The following COL19A1 variants were observed in gnomAD, a reference collection of about 807,000 sequenced individuals.
COL19A1 encodes collagen type XIX alpha 1 chain, also known as collagen alpha-1(XIX) chain.
Under a neutral mutation model 190.2 loss-of-function variants are expected in COL19A1, and 159 were observed. That is an observed-to-expected ratio of 0.84 (90% CI 0.73 to 0.95). The LOEUF is 0.95. Ranked by LOEUF, COL19A1 falls within the 40% of genes least tolerant of loss-of-function variation. The probability of loss-of-function intolerance (pLI) is 0.00; values close to 1 mark genes in which losing one functional copy is unlikely to be tolerated. For missense variants in COL19A1, 1,418 were observed against 1,431.9 expected, an observed-to-expected ratio of 0.99 and a Z score of 0.16; for synonymous variants, 509 against 458.9, an observed-to-expected ratio of 1.11 and a Z score of -1.39.
In COL19A1 at chr6:70,142,601, A is replaced by G. The variant is rs9342783; in HGVS notation, c.1573-166A>G. The stretch of plus-strand genomic sequence containing the variant: ...GTATCTGGAAACTATCTTGGTAATC[A>G]CAAAGCACATTTCAGTATTATACAG... On this transcript the variant is annotated intron_variant, in intron 22 of 50. Transcript: ENST00000620364. Among the ~76,000 whole-genome samples, 72,068 of 151,994 alleles carry G rather than the reference A, an allele frequency of 0.47. 17,592 individuals are homozygous for G. Among genetic ancestry groups the G allele is most frequent in the African/African-American group, 0.57 (23,710 of 41,480 alleles).
chr6:70,025,208 T>G (rs1263392256), intron 12 of COL19A1, among the ~76,000 whole-genome samples: 1 of 152,062 alleles, frequency 6.6e-6, no homozygotes, highest in Non-Finnish European at 1.5e-5. Context: ...TTTTTTGTAT[T>G]TTTAGTAGAG....
chr6:70,034,325 A>G (rs1421006849), intron 13 of COL19A1, 27 bp downstream of exon 13: 3 of 1,589,746 alleles, frequency 1.9e-6, no homozygotes, highest in Non-Finnish European at 1.7e-6. Context: ...GCCAAGCCCA[A>G]CCTTTCTTTA....
intron 13 of COL19A1, among the ~76,000 whole-genome samples, chr6:70,034,952 T>A (rs1465582537): frequency 6.6e-6 from 1 of 152,202 alleles, no homozygotes; most frequent in Non-Finnish European, 1.5e-5. Context: ...GAGTTCCCAG[T>A]GACTGATTTA....
chr6:70,177,430 A>G (rs1218763786), intron 42 of COL19A1, among the ~76,000 whole-genome samples: 1 of 151,952 alleles, frequency 6.6e-6, no homozygotes, highest in Non-Finnish European at 1.5e-5. Context: ...TCCCACTGCC[A>G]TCCCACAAAG....
At chr6:70,074,498 CAA>C (rs368408394) in intron 15 of COL19A1, among the ~76,000 whole-genome samples, 15 of 97,146 alleles carry the variant, frequency 1.5e-4, no homozygotes, top group African/African-American at 4.1e-4. Flanking sequence ...GACTCCACCT[CAA>C]AAAAAAAAAA....
chr6:69,976,290 C>G (rs1213117109), intron 11 of COL19A1, among the ~76,000 whole-genome samples: 1 of 152,032 alleles, frequency 6.6e-6, no homozygotes, highest in Admixed American at 6.6e-5. Flanking sequence ...ATTAAAAGGC[C>G]TTCAATTTAT....
intron 14 of COL19A1, among the ~76,000 whole-genome samples, chr6:70,060,491 C>CA (rs150967347): frequency 0.12 from 18,945 of 152,134 alleles, 1,578 homozygotes; most frequent in African/African-American, 0.22. Context: ...TCTGTATCTA[C>CA]AGCCACTCCC....
intron 16 of COL19A1, among the ~76,000 whole-genome samples, chr6:70,119,331 C>T (rs906583342): frequency 2.0e-5 from 3 of 152,176 alleles, no homozygotes; most frequent in African/African-American, 7.2e-5. Context: ...ATAAAGAGGC[C>T]TCTCTCAACT....
intron 49 of COL19A1, among the ~76,000 whole-genome samples, chr6:70,202,681 A>G (rs1767624564): frequency 6.6e-6 from 1 of 152,194 alleles, no homozygotes; most frequent in Non-Finnish European, 1.5e-5. Context: ...TGTGAGAGGT[A>G]CACAATTCAT....
At chr6:70,174,325 T>C (rs958808960) in intron 41 of COL19A1, among the ~76,000 whole-genome samples, 3 of 152,192 alleles carry the variant, frequency 2.0e-5, no homozygotes, top group Admixed American at 6.5e-5. Context: ...CCCAGCACTT[T>C]GGGAGGCCAA....
intron 1 of COL19A1, among the ~76,000 whole-genome samples, chr6:69,869,183 A>T (rs746576714): frequency 3.9e-5 from 6 of 152,210 alleles, no homozygotes; most frequent in Admixed American, 6.5e-5. Context: ...AAGAAATTGC[A>T]TGTGTGAAGG....
At chr6:70,114,348 G>A (rs1393869920) in intron 16 of COL19A1, among the ~76,000 whole-genome samples, 2 of 152,118 alleles carry the variant, frequency 1.3e-5, no homozygotes, top group African/African-American at 4.8e-5. Flanking sequence ...AGAGTTAAAA[G>A]ATCAAGGCAG....
intron 16 of COL19A1, among the ~76,000 whole-genome samples, chr6:70,111,650 C>A (rs1316181823): frequency 6.6e-6 from 1 of 152,140 alleles, no homozygotes; most frequent in Non-Finnish European, 1.5e-5. Flanking sequence ...TCTCCTTTGA[C>A]TGAAATCCTT....
At chr6:70,053,606 AAGGTTATGTTTAAAGAAATATTTGTAT>A (rs1161529967) in intron 14 of COL19A1, among the ~76,000 whole-genome samples, 1 of 152,202 alleles carries the variant, frequency 6.6e-6, no homozygotes, top group Non-Finnish European at 1.5e-5. Context: ...CTGTTTCTAA[AAGGTTATGTTTAAAGAAATATTTGTAT>A]ATAGACTTAT....
chr6:69,942,194 CACT>C (rs1773517214), intron 9 of COL19A1, among the ~76,000 whole-genome samples: 1 of 152,056 alleles, frequency 6.6e-6, no homozygotes. Flanking sequence ...AATTATATGT[CACT>C]ACATTACAGT....
intron 4 of COL19A1, among the ~76,000 whole-genome samples, chr6:69,921,676 G>A (rs1025116919): frequency 7.6e-5 from 11 of 145,214 alleles, no homozygotes; most frequent in African/African-American, 1.8e-4. Flanking sequence ...ATGTAGATTC[G>A]TATATATTCG....
chr6:70,181,972 A>G (rs943930168), intron 44 of COL19A1, among the ~76,000 whole-genome samples: 2 of 152,190 alleles, frequency 1.3e-5, no homozygotes, highest in African/African-American at 4.8e-5. Flanking sequence ...ACCATGAAGA[A>G]CTTCCAAGCC....
At chr6:69,994,674 T>C (rs1352816906) in intron 11 of COL19A1, among the ~76,000 whole-genome samples, 1 of 152,138 alleles carries the variant, frequency 6.6e-6, no homozygotes, top group Non-Finnish European at 1.5e-5. Flanking sequence ...GATTTGGCAG[T>C]TTCAAGAATT....
At chr6:69,912,513 A>G (rs1385627825) in intron 4 of COL19A1, among the ~76,000 whole-genome samples, 1 of 152,134 alleles carries the variant, frequency 6.6e-6, no homozygotes, top group African/African-American at 2.4e-5. Flanking sequence ...TGCTATTGCC[A>G]TTGCTGGGAG....
Sources: gnomAD v4.1 joint callset for allele counts (sites outside exome capture counted in the v4.1 genomes callset) on GRCh38, gnomAD v4.1.1 for gene constraint, MANE v1.5 for transcripts, NCBI Gene and HGNC (gene_info 2026-07-23, HGNC 2026-07-21) for gene names.